Variants in LUZP2 observed in about 807,000 individuals in gnomAD.
The protein encoded by LUZP2 is leucine zipper protein 2.
A neutral mutation model predicts 51.6 loss-of-function variants in LUZP2; 52 were observed. The ratio of observed to expected loss-of-function variants is 1.01; its 90% CI spans 0.81 to 1.27. The LOEUF is 1.27. Among genes scored for constraint, LUZP2 ranks in the 50% most tolerant of loss-of-function variants. The pLI, the probability that LUZP2 is intolerant of heterozygous loss-of-function variation, is 0.00. For missense variants in LUZP2, 436 were observed against 395.4 expected (o/e 1.10, Z -0.87); for synonymous variants, 154 against 137.3 (o/e 1.12, Z -0.85).
chr11:24,812,847 G>C (rs1283948472), intron 5 of LUZP2, among the ~76,000 whole-genome samples: 2 of 152,138 alleles, frequency 1.3e-5, no homozygotes, highest in Non-Finnish European at 2.9e-5. Context: ...TTTCATACAG[G>C]CTCGCTAGGC....
chr11:24,825,172 T>C (rs907549118), intron 5 of LUZP2, among the ~76,000 whole-genome samples: 1 of 152,168 alleles, frequency 6.6e-6, no homozygotes, highest in Admixed American at 6.5e-5. Flanking sequence ...TTAATTCTAA[T>C]GTAAATACTC....
intron 7 of LUZP2, among the ~76,000 whole-genome samples, chr11:24,961,548 T>C (rs1181989514): frequency 2.0e-5 from 3 of 152,048 alleles, no homozygotes; most frequent in Non-Finnish European, 2.9e-5. Flanking sequence ...AAGTCTGTTT[T>C]ATCAGAGACT....
rs542728895 is a variant in LUZP2 at position 24,972,125 on chromosome 11, C to T, written c.523-4466C>T. 7.1e-5 allele frequency among the ~76,000 whole-genome samples: 7 copies of T among 99,018 alleles called. 1 individual carries two copies. The highest frequency in any genetic ancestry group is 1.2e-4 in the African/African-American group (3 of 25,738). 65.0% of individuals were successfully genotyped at this position (99,018 alleles called of 152,430 possible). Reference sequence around the variant, plus strand: ...TACTGCACTCCAGCCTGGGTGACAGCGGAGTGAGACTCCGAAAAAAAAAAA... The same window carrying T: ...TACTGCACTCCAGCCTGGGTGACAGTGGAGTGAGACTCCGAAAAAAAAAAA... On this transcript the variant is annotated intron_variant, in intron 7 of 11. Transcript: ENST00000336930.
chr11:24,884,923 T>C (rs1479079534), intron 5 of LUZP2, among the ~76,000 whole-genome samples: 1 of 152,066 alleles, frequency 6.6e-6, no homozygotes, highest in Non-Finnish European at 1.5e-5. Context: ...ACAAAATTGA[T>C]TTTAGGGTGA....
At chr11:24,536,166 A>T (rs1359946667) in intron 1 of LUZP2, among the ~76,000 whole-genome samples, 2 of 151,772 alleles carry the variant, frequency 1.3e-5, no homozygotes, top group Non-Finnish European at 1.5e-5. Flanking sequence ...TATTTTTAAC[A>T]TGCCGGCAGA....
intron 7 of LUZP2, among the ~76,000 whole-genome samples, chr11:24,933,541 A>G (rs774728952): frequency 6.6e-5 from 10 of 152,172 alleles, no homozygotes. Flanking sequence ...TGTTTTTTCT[A>G]TTTGACCATG....
intron 1 of LUZP2, among the ~76,000 whole-genome samples, chr11:24,700,056 CTTT>C (rs762849302): frequency 1.0e-5 from 1 of 95,976 alleles, no homozygotes; most frequent in African/African-American, 4.1e-5. Context: ...TTTTCCTCAA[CTTT>C]TTTTTTTTTT....
At chr11:24,803,355 CA>C (rs1328743626) in intron 5 of LUZP2, among the ~76,000 whole-genome samples, 4 of 151,844 alleles carry the variant, frequency 2.6e-5, no homozygotes, top group Non-Finnish European at 4.4e-5. Flanking sequence ...TACCAAAAAA[CA>C]AAAAACAACA....
chr11:24,561,625 G>A (rs1852043785), intron 1 of LUZP2, among the ~76,000 whole-genome samples: 1 of 152,026 alleles, frequency 6.6e-6, no homozygotes, highest in African/African-American at 2.4e-5. Flanking sequence ...TGAACAACGA[G>A]AATACATGGA....
At chr11:25,061,841 A>G (rs957601037) in intron 10 of LUZP2, among the ~76,000 whole-genome samples, 1 of 152,156 alleles carries the variant, frequency 6.6e-6, no homozygotes, top group African/African-American at 2.4e-5. Context: ...GCATAAAGAG[A>G]AATGATATCT....
chr11:25,063,260 A>C (rs1447323666), intron 10 of LUZP2, among the ~76,000 whole-genome samples: 1 of 151,640 alleles, frequency 6.6e-6, no homozygotes, highest in Non-Finnish European at 1.5e-5. Flanking sequence ...ATTATATATA[A>C]ATATAACATC....
chr11:24,974,001 T>C (rs904526167), intron 7 of LUZP2, among the ~76,000 whole-genome samples: 18 of 152,114 alleles, frequency 1.2e-4, no homozygotes, highest in Admixed American at 6.6e-5. Flanking sequence ...TAATTTTCTG[T>C]CTTGGTGATG....
At chr11:25,041,221 G>A (rs2134006643) in intron 9 of LUZP2, among the ~76,000 whole-genome samples, 1 of 152,154 alleles carries the variant, frequency 6.6e-6, no homozygotes, top group South Asian at 2.1e-4. Context: ...TCTATACGCT[G>A]TATTTTTTCT....
intron 6 of LUZP2, among the ~76,000 whole-genome samples, chr11:24,907,547 C>G (rs1238502102): frequency 6.6e-6 from 1 of 151,578 alleles, no homozygotes; most frequent in Non-Finnish European, 1.5e-5. Context: ...GTTTATATTT[C>G]CTAGGTTTTG....
chr11:24,983,035 G>C, intron 8 of LUZP2, 91 bp from the exon 9 acceptor site: 1 of 1,201,016 alleles, frequency 8.3e-7, no homozygotes, highest in Admixed American at 2.4e-5. Context: ...TATTTTTGTG[G>C]GGAGTATAGG....
At chr11:24,543,359 C>T (rs1851439030) in intron 1 of LUZP2, among the ~76,000 whole-genome samples, 1 of 151,956 alleles carries the variant, frequency 6.6e-6, no homozygotes, top group African/African-American at 2.4e-5. Context: ...AAACTGAATG[C>T]AATTTTATTT....
intron 1 of LUZP2, among the ~76,000 whole-genome samples, chr11:24,719,334 A>G (rs1414582108): frequency 1.3e-5 from 2 of 152,216 alleles, no homozygotes; most frequent in African/African-American, 4.8e-5. Context: ...GCAAATGTTT[A>G]TCTTTCAGAA....
chr11:24,893,987 AT>A (rs1279175030), intron 5 of LUZP2, among the ~76,000 whole-genome samples: 1 of 151,984 alleles, frequency 6.6e-6, no homozygotes, highest in Non-Finnish European at 1.5e-5. Context: ...TCAATTGTTT[AT>A]TTTCATATCT....
At chr11:24,728,840 T>C (rs569859021) in intron 1 of LUZP2, among the ~76,000 whole-genome samples, 4 of 152,076 alleles carry the variant, frequency 2.6e-5, no homozygotes, top group African/African-American at 9.6e-5. Flanking sequence ...AAAAGAGGTT[T>C]AGTGGATTCC....
Sources: gnomAD v4.1 joint callset for allele counts (sites outside exome capture counted in the v4.1 genomes callset) on GRCh38, gnomAD v4.1.1 for gene constraint, MANE v1.5 for transcripts, NCBI Gene and HGNC (gene_info 2026-07-23, HGNC 2026-07-21) for gene names.